Variants in GPR158 observed in about 807,000 individuals in gnomAD.
GPR158 encodes metabotropic glycine receptor.
GPR158 carries 30 observed loss-of-function variants against 78.2 expected under a neutral mutation model. That is an observed-to-expected ratio of 0.38 (90% confidence interval 0.29 to 0.52). The LOEUF (loss-of-function observed/expected upper bound fraction) is 0.52. Among genes scored for constraint, GPR158 ranks in the 20% least tolerant of loss-of-function variants. GPR158 has a pLI of 0.83. For synonymous variants in GPR158, 581 were observed against 591.1 expected (o/e 0.98, Z 0.25); for missense variants, 1,463 against 1,523.5 (o/e 0.96, Z 0.66).
At chr10:25,359,155 A>G (rs1372687728) in intron 2 of GPR158, among the ~76,000 whole-genome samples, 1 of 152,032 alleles carries the variant, frequency 6.6e-6, no homozygotes, top group Admixed American at 6.6e-5. Flanking sequence ...AAGTACATAC[A>G]TGTTAATATT....
chr10:25,294,957 C>A (rs575830166), intron 2 of GPR158, among the ~76,000 whole-genome samples: 2 of 152,288 alleles, frequency 1.3e-5, no homozygotes, highest in East Asian at 3.9e-4. Flanking sequence ...ATCATTAACA[C>A]CTGATAATAA....
chr10:25,334,439 C>T (rs185091726), intron 2 of GPR158, among the ~76,000 whole-genome samples: 1 of 152,012 alleles, frequency 6.6e-6, no homozygotes, highest in African/African-American at 2.4e-5. Context: ...GTTTAATCTC[C>T]TGTCATTGCG....
intron 2 of GPR158, among the ~76,000 whole-genome samples, chr10:25,339,689 T>C (rs957213809): frequency 2.0e-5 from 3 of 152,116 alleles, no homozygotes; most frequent in African/African-American, 7.2e-5. Flanking sequence ...CTCTTCCTCA[T>C]TTGCTAAGCT....
chr10:25,255,702 A>G (rs1313490170), intron 2 of GPR158, among the ~76,000 whole-genome samples: 1 of 152,232 alleles, frequency 6.6e-6, no homozygotes, highest in Non-Finnish European at 1.5e-5. Flanking sequence ...TGTCTTCTTC[A>G]GAACAACCAG....
intron 4 of GPR158, among the ~76,000 whole-genome samples, chr10:25,423,082 T>C (rs1268528894): frequency 2.0e-5 from 3 of 150,452 alleles, no homozygotes; most frequent in African/African-American, 7.3e-5. Context: ...TGTGTATATA[T>C]ATGTATGTGT....
intron 7 of GPR158, among the ~76,000 whole-genome samples, 161 bp downstream of exon 7, chr10:25,573,048 G>A (rs1837033526): frequency 1.3e-5 from 2 of 152,222 alleles, no homozygotes. Context: ...TGGCATGTGA[G>A]ATGCAAACTT....
chr10:25,474,923 T>C (rs541375590), intron 5 of GPR158, among the ~76,000 whole-genome samples: 1 of 152,278 alleles, frequency 6.6e-6, no homozygotes, highest in African/African-American at 2.4e-5. Flanking sequence ...CACTTTCTCA[T>C]GTTATTTTTG....
At chr10:25,222,137 C>T (rs554417373) in intron 2 of GPR158, among the ~76,000 whole-genome samples, 22 of 152,086 alleles carry the variant, frequency 1.4e-4, no homozygotes, top group Non-Finnish European at 2.4e-4. Context: ...CATGTATATA[C>T]GCCCATTGAG....
At position 25,587,396 on chromosome 10, in the gene GPR158, A is replaced by G. The variant is rs143336235; in HGVS notation, c.1754-1611A>G. The stretch of plus-strand genomic sequence containing the variant: ...AGCCCTTGAAAAATAATTTCAGCAA[A>G]TAAGGAGTAAACTGATAGCGGCTTA... On this transcript the variant is annotated intron_variant, in intron 7 of 10. Coordinates refer to ENST00000376351, the MANE Select transcript of GPR158 (RefSeq NM_020752.3). 2.1e-3 allele frequency among the ~76,000 whole-genome samples: 320 copies of G among 152,304 alleles called. 11 individuals carry two copies. The South Asian group carries it at 0.046, about 22-fold the overall frequency.
At chr10:25,221,221 T>C in intron 2 of GPR158, 64 bp downstream of exon 2, 1 of 853,448 alleles carries the variant, frequency 1.2e-6, no homozygotes, top group Admixed American at 2.2e-5. Context: ...TATGTTATAT[T>C]TGTGTGGGTA....
intron 5 of GPR158, among the ~76,000 whole-genome samples, chr10:25,498,701 A>G (rs1462771924): frequency 6.6e-6 from 1 of 152,208 alleles, no homozygotes; most frequent in Non-Finnish European, 1.5e-5. Context: ...TAGATATTAC[A>G]TATGACTAAT....
chr10:25,468,725 T>C (rs142051597), intron 5 of GPR158, among the ~76,000 whole-genome samples: 3 of 152,350 alleles, frequency 2.0e-5, no homozygotes, highest in Admixed American at 1.3e-4. Context: ...AGATAAGTAC[T>C]GACTTTACAA....
Position 25,176,243 on chromosome 10 carries a change from G to C in GPR158, c.823G>C (p.Gly275Arg), listed in dbSNP as rs1219443423. Reference sequence around the variant, plus strand: ...TCCGCCTTATCTGGAGTGCGAGAACGGGAGTTACAAGCCCGGGTGGCTGGT... The same window carrying C: ...TCCGCCTTATCTGGAGTGCGAGAACCGGAGTTACAAGCCCGGGTGGCTGGT... Reference protein sequence around the residue: ...WSPPYLECENGSYKPGWLVTL... With the variant: ...WSPPYLECENRSYKPGWLVTL... Residue 275 changes from glycine (G) to arginine (R), a missense_variant, in exon 1 of 11, where the codon GGG (glycine) becomes CGG (arginine). By Grantham distance (125) the Gly-to-Arg change is moderately radical. Transcript: ENST00000376351. The surrounding 1 kb of genome is among the most constrained non-coding windows in gnomAD (Gnocchi z 6.3). 3.1e-6 allele frequency: 5 copies of C among 1,608,420 alleles called. No homozygotes were observed. The highest frequency in any genetic ancestry group is 1.3e-5 in the African/African-American group (1 of 74,924).
At chr10:25,461,137 C>T (rs1232991489) in intron 4 of GPR158, among the ~76,000 whole-genome samples, 1 of 152,144 alleles carries the variant, frequency 6.6e-6, no homozygotes, top group Non-Finnish European at 1.5e-5. Flanking sequence ...AATAATCCTA[C>T]AATGGCCTTT....
intron 5 of GPR158, among the ~76,000 whole-genome samples, chr10:25,511,747 A>G (rs1390418778): frequency 6.6e-6 from 1 of 151,976 alleles, no homozygotes; most frequent in African/African-American, 2.4e-5. Flanking sequence ...ATTTTTCTAC[A>G]CGTGGCTTGC....
intron 4 of GPR158, among the ~76,000 whole-genome samples, chr10:25,428,562 C>G (rs1834853727): frequency 6.6e-6 from 1 of 151,882 alleles, no homozygotes. Context: ...GTAAGCAGTT[C>G]AGGGGAATAT....
At chr10:25,442,166 T>G (rs1351873697) in intron 4 of GPR158, among the ~76,000 whole-genome samples, 1 of 152,140 alleles carries the variant, frequency 6.6e-6, no homozygotes, top group Non-Finnish European at 1.5e-5. Flanking sequence ...GTGAAGTGAC[T>G]GAGAGATGAT....
chr10:25,530,128 T>A (rs776455985), intron 5 of GPR158, among the ~76,000 whole-genome samples: 11 of 152,160 alleles, frequency 7.2e-5, no homozygotes, highest in Non-Finnish European at 1.6e-4. Flanking sequence ...TTGTCGTCCT[T>A]ATACTTCTGA....
chr10:25,587,205 A>G (rs958477234), intron 7 of GPR158, among the ~76,000 whole-genome samples: 4 of 152,184 alleles, frequency 2.6e-5, no homozygotes, highest in South Asian at 2.1e-4. Flanking sequence ...CCTTGATTCT[A>G]TCTGGAGGAC....
Sources: allele counts gnomAD v4.1 joint callset (sites outside exome capture counted in the v4.1 genomes callset), GRCh38; gene constraint gnomAD v4.1.1; non-coding constraint Gnocchi (gnomAD v3.1); transcripts MANE v1.5; gene names NCBI Gene and HGNC (gene_info 2026-07-23, HGNC 2026-07-21).